PCSK2: variants seen among roughly 807,000 people sequenced by gnomAD.
The protein encoded by PCSK2 is proprotein convertase subtilisin/kexin type 2.
A neutral mutation model predicts 69.7 loss-of-function variants in PCSK2; 14 were observed. The ratio of observed to expected loss-of-function variants is 0.20; its 90% CI spans 0.13 to 0.31. The LOEUF is 0.31. Ranked by LOEUF, PCSK2 falls within the 10% of genes least tolerant of loss-of-function variation. The probability of loss-of-function intolerance (pLI) is 1.00; values close to 1 mark genes in which losing one functional copy is unlikely to be tolerated. For synonymous variants in PCSK2, 307 were observed against 320.7 expected, an observed-to-expected ratio of 0.96 and a Z score of 0.46; for missense variants, 544 against 842.5, an observed-to-expected ratio of 0.65 and a Z score of 4.39.
intron 2 of PCSK2, among the ~76,000 whole-genome samples, chr20:17,344,972 T>C (rs1378726185): frequency 6.6e-6 from 1 of 152,172 alleles, no homozygotes; most frequent in East Asian, 1.9e-4. Context: ...TCAACCAGCA[T>C]CTTTGCAAAA....
chr20:17,332,863 C>T (rs1568606641), intron 2 of PCSK2, among the ~76,000 whole-genome samples: 1 of 152,144 alleles, frequency 6.6e-6, no homozygotes, highest in African/African-American at 2.4e-5. Context: ...GCAATATAGT[C>T]TTTGAAGTCC....
intron 5 of PCSK2, among the ~76,000 whole-genome samples, chr20:17,404,293 G>T (rs1041142497): frequency 3.3e-5 from 5 of 152,242 alleles, no homozygotes; most frequent in African/African-American, 1.2e-4. Flanking sequence ...AATCACATCA[G>T]TGGATGTCCA....
intron 6 of PCSK2, among the ~76,000 whole-genome samples, chr20:17,410,010 C>T (rs561263290): frequency 1.3e-5 from 2 of 152,270 alleles, no homozygotes; most frequent in African/African-American, 4.8e-5. Flanking sequence ...TGAAAGAATA[C>T]TGTAATTTTT....
At chr20:17,251,768 A>T (rs1173612644) in intron 1 of PCSK2, among the ~76,000 whole-genome samples, 1 of 152,208 alleles carries the variant, frequency 6.6e-6, no homozygotes, top group Non-Finnish European at 1.5e-5. Context: ...TTTGTAATCC[A>T]GGCAGGGCAC....
intron 2 of PCSK2, among the ~76,000 whole-genome samples, chr20:17,281,673 G>C (rs1988319938): frequency 6.6e-6 from 1 of 152,072 alleles, no homozygotes; most frequent in East Asian, 1.9e-4. Flanking sequence ...TATGTTTGCT[G>C]CCCCCTGTTG....
At chr20:17,383,755 C>T (rs928449624) in intron 5 of PCSK2, among the ~76,000 whole-genome samples, 1 of 152,160 alleles carries the variant, frequency 6.6e-6, no homozygotes, top group African/African-American at 2.4e-5. Flanking sequence ...AATATGGACA[C>T]TCTATTCACA....
chr20:17,393,209 C>T (rs993135691), intron 5 of PCSK2, among the ~76,000 whole-genome samples: 2 of 152,072 alleles, frequency 1.3e-5, no homozygotes, highest in Non-Finnish European at 1.5e-5. Context: ...ATCACTTGCC[C>T]GTTTTTATTT....
intron 5 of PCSK2, among the ~76,000 whole-genome samples, chr20:17,375,792 T>C (rs1277229428): frequency 1.3e-5 from 2 of 152,180 alleles, no homozygotes; most frequent in East Asian, 1.9e-4. Flanking sequence ...TGACACTTCA[T>C]GAGCTTTTCC....
intron 2 of PCSK2, among the ~76,000 whole-genome samples, chr20:17,343,465 C>G (rs1990564720): frequency 6.6e-6 from 1 of 152,334 alleles, no homozygotes. Flanking sequence ...TTCAGTAGAA[C>G]TTGTCAGCAA....
At position 17,389,789 on chromosome 20, in the gene PCSK2, C is replaced by T. The variant is rs564193674; in HGVS notation, c.544-19474C>T. 2.0e-5 allele frequency among the ~76,000 whole-genome samples: 3 copies of T among 152,176 alleles called. No homozygotes were observed. The South Asian group carries it at 6.2e-4, about 32-fold the overall frequency. On this transcript the variant is annotated intron_variant, in intron 5 of 11. Coordinates refer to ENST00000262545, the MANE Select transcript of PCSK2 (RefSeq NM_002594.5). ...AAGATAGGTATTTGTGAGGGTGAAA[C>T]CTACCTACAACCTCTTACACTGCTA...
At chr20:17,332,753 C>T (rs1990237828) in intron 2 of PCSK2, among the ~76,000 whole-genome samples, 1 of 152,190 alleles carries the variant, frequency 6.6e-6, no homozygotes, top group South Asian at 2.1e-4. Context: ...CTGAGCTGTG[C>T]ACAGCATTCA....
At chr20:17,330,018 A>G (rs932532599) in intron 2 of PCSK2, among the ~76,000 whole-genome samples, 1 of 152,238 alleles carries the variant, frequency 6.6e-6, no homozygotes, top group Non-Finnish European at 1.5e-5. Flanking sequence ...AGCAAAGGAA[A>G]TGAGAGAAAT....
chr20:17,438,521 G>A lies in PCSK2; in HGVS notation c.885+1638G>A, dbSNP rs79250788. On this transcript the variant is annotated intron_variant, in intron 8 of 11. Coordinates refer to ENST00000262545, the MANE Select transcript of PCSK2 (RefSeq NM_002594.5). ...AACATAGTGGATGAGCTGTTCAGGG[G>A]GCAGGTATGGAATTAATGCAGACAC... 5.3e-5 allele frequency among the ~76,000 whole-genome samples: 8 copies of A among 152,240 alleles called. No homozygotes were observed. The South Asian group carries it at 1.7e-3, about 32-fold the overall frequency.
chr20:17,400,696 C>G (rs113321999), intron 5 of PCSK2, among the ~76,000 whole-genome samples: 6 of 152,326 alleles, frequency 3.9e-5, no homozygotes, highest in Middle Eastern at 3.4e-3. Context: ...GACCCTTGTG[C>G]TTCTTCTCAG....
chr20:17,305,896 A>G (rs6131933), intron 2 of PCSK2, among the ~76,000 whole-genome samples: 11,975 of 152,174 alleles, frequency 0.079, 551 homozygotes, highest in East Asian at 0.11. Context: ...TAAACAAAAT[A>G]TTATCATTGT....
At chr20:17,389,579 A>G (rs1046889497) in intron 5 of PCSK2, among the ~76,000 whole-genome samples, 1 of 152,198 alleles carries the variant, frequency 6.6e-6, no homozygotes, top group African/African-American at 2.4e-5. Flanking sequence ...AGCTTCAGGG[A>G]CCATCGGCTA....
intron 2 of PCSK2, among the ~76,000 whole-genome samples, chr20:17,357,808 C>T (rs7264169): frequency 0.22 from 33,582 of 151,626 alleles, 4,330 homozygotes; most frequent in East Asian, 0.54. Context: ...GAAGGAGAAT[C>T]GCTTGAACCT....
At chr20:17,415,930 T>C (rs779779860) in intron 6 of PCSK2, among the ~76,000 whole-genome samples, 1 of 152,186 alleles carries the variant, frequency 6.6e-6, no homozygotes, top group Non-Finnish European at 1.5e-5. Flanking sequence ...GGGGAAAGGA[T>C]TCCCTATTTA....
At chr20:17,234,728 T>C (rs1246391510) in intron 1 of PCSK2, among the ~76,000 whole-genome samples, 1 of 152,222 alleles carries the variant, frequency 6.6e-6, no homozygotes, top group African/African-American at 2.4e-5. Flanking sequence ...TTATTAGCTA[T>C]AGATCATAAC....
Sources: gnomAD v4.1 joint callset for allele counts (sites outside exome capture counted in the v4.1 genomes callset) on GRCh38, gnomAD v4.1.1 for gene constraint, MANE v1.5 for transcripts, NCBI Gene and HGNC (gene_info 2026-07-23, HGNC 2026-07-21) for gene names.